Variants in PTPRD observed in about 807,000 individuals in gnomAD.
The protein encoded by PTPRD is receptor-type tyrosine-protein phosphatase delta.
A neutral mutation model predicts 214.5 loss-of-function variants in PTPRD; 34 were observed. The observed-to-expected ratio is 0.16, with a 90% CI of 0.12 to 0.21. The LOEUF is 0.21. Among genes scored for constraint, PTPRD ranks in the 10% least tolerant of loss-of-function variants. The pLI, the probability that PTPRD is intolerant of heterozygous loss-of-function variation, is 1.00. For synonymous variants in PTPRD, 1,128 were observed against 845.7 expected (o/e 1.33, Z -5.79); for missense variants, 2,545 against 2,398.7 (o/e 1.06, Z -1.27).
chr9:9,178,713 T>C (rs938306956), intron 10 of PTPRD, among the ~76,000 whole-genome samples: 4 of 152,126 alleles, frequency 2.6e-5, no homozygotes, highest in African/African-American at 9.6e-5. Flanking sequence ...CTACATTGAA[T>C]TGCTAGTAAA....
At chr9:10,355,542 G>A (rs369802515) in intron 2 of PTPRD, among the ~76,000 whole-genome samples, 6 of 149,210 alleles carry the variant, frequency 4.0e-5, no homozygotes, top group Admixed American at 2.7e-4. Flanking sequence ...GCAACGGCAC[G>A]ATCTCAGCTC....
At position 9,208,804 on chromosome 9, in the gene PTPRD, T is replaced by C. The variant is rs558796293; in HGVS notation, c.-202-25441A>G. Among the ~76,000 whole-genome samples, 87 of 151,796 alleles carry C rather than the reference T, an allele frequency of 5.7e-4. No homozygotes were observed. In the Middle Eastern group the frequency reaches 0.017, roughly 30 times the overall value. On this transcript the variant is annotated intron_variant, in intron 9 of 45. Transcript: ENST00000381196. ...AGAAGAAAGAAACCCAGAGACAATATAACTCTTTTTTTTTTTTCTTTGAGA... is the reference window on the plus strand; with the variant it reads ...AGAAGAAAGAAACCCAGAGACAATACAACTCTTTTTTTTTTTTCTTTGAGA...
At chr9:8,567,209 G>A (rs558190541) in intron 14 of PTPRD, among the ~76,000 whole-genome samples, 8 of 152,100 alleles carry the variant, frequency 5.3e-5, no homozygotes, top group East Asian at 1.9e-4. Flanking sequence ...TGAATTTGGC[G>A]GTACCTGCCT....
chr9:10,165,869 T>C (rs1053526025), intron 3 of PTPRD, among the ~76,000 whole-genome samples: 6 of 151,046 alleles, frequency 4.0e-5, no homozygotes, highest in Non-Finnish European at 8.9e-5. Context: ...GCATGAGTTC[T>C]GTAAAATTAA....
rs376142957 is a variant in PTPRD, at chr9:10,136,636, G to A, written c.-544-102846C>T. Among the ~76,000 whole-genome samples, 90 of 128,762 alleles carry A rather than the reference G, an allele frequency of 7.0e-4. 17 individuals carry two copies. Among genetic ancestry groups the A allele is most frequent in the East Asian group, 5.5e-3 (23 of 4,182 alleles). 84.5% of individuals were successfully genotyped at this position (128,762 alleles called of 152,430 possible). On this transcript the variant is annotated intron_variant, in intron 3 of 45. Transcript: ENST00000381196. ...AGGCATTACCATTCAGGACATAGGC[G>A]TGGGCAAGGACTTCATGTCCAAAAC...
chr9:8,525,721 A>C (rs1405516434), intron 17 of PTPRD, among the ~76,000 whole-genome samples: 1 of 152,202 alleles, frequency 6.6e-6, no homozygotes, highest in African/African-American at 2.4e-5. Flanking sequence ...CTGTGCCACA[A>C]GGAAGAGCCA....
At chr9:9,294,710 G>A (rs976809004) in intron 9 of PTPRD, among the ~76,000 whole-genome samples, 1 of 151,552 alleles carries the variant, frequency 6.6e-6, no homozygotes, top group Non-Finnish European at 1.5e-5. Flanking sequence ...CTGACACCCT[G>A]ATCTTAGACT....
At chr9:9,120,248 A>T (rs550208519) in intron 10 of PTPRD, among the ~76,000 whole-genome samples, 1 of 152,346 alleles carries the variant, frequency 6.6e-6, no homozygotes, top group Non-Finnish European at 1.5e-5. Context: ...GAAAGATGTC[A>T]TTTAAGTGCT....
At chr9:10,381,944 T>A (rs1311729229) in intron 2 of PTPRD, among the ~76,000 whole-genome samples, 2 of 151,966 alleles carry the variant, frequency 1.3e-5, no homozygotes, top group African/African-American at 4.8e-5. Context: ...TTAATTTATA[T>A]AAAATTATCT....
chr9:8,842,576 G>C (rs2097579888), intron 11 of PTPRD, among the ~76,000 whole-genome samples: 1 of 152,128 alleles, frequency 6.6e-6, no homozygotes, highest in African/African-American at 2.4e-5. Context: ...AGACTGTGGA[G>C]AGGTAGGGGG....
At chr9:8,950,153 T>G (rs1439659442) in intron 11 of PTPRD, among the ~76,000 whole-genome samples, 1 of 151,982 alleles carries the variant, frequency 6.6e-6, no homozygotes, top group Non-Finnish European at 1.5e-5. Flanking sequence ...AAATCTAAAT[T>G]TGTTAGTTTC....
At chr9:9,270,461 T>A (rs1026374987) in intron 9 of PTPRD, among the ~76,000 whole-genome samples, 1 of 151,080 alleles carries the variant, frequency 6.6e-6, no homozygotes, top group Non-Finnish European at 1.5e-5. Context: ...CAGCAAGAAG[T>A]GCATGTAACA....
intron 11 of PTPRD, among the ~76,000 whole-genome samples, chr9:8,880,108 G>A (rs560221918): frequency 4.7e-4 from 71 of 152,178 alleles, no homozygotes; most frequent in African/African-American, 1.7e-3. Flanking sequence ...GGGATTCCTG[G>A]GTGAAAAGTA....
At chr9:9,635,733 T>G (rs539256897) in intron 7 of PTPRD, among the ~76,000 whole-genome samples, 20 of 152,294 alleles carry the variant, frequency 1.3e-4, no homozygotes, top group Non-Finnish European at 2.8e-4. Flanking sequence ...AACCCAGAAG[T>G]CATTGTCAAC....
intron 8 of PTPRD, among the ~76,000 whole-genome samples, chr9:9,546,061 G>A (rs959794311): frequency 6.6e-6 from 1 of 151,544 alleles, no homozygotes; most frequent in African/African-American, 2.4e-5. Context: ...ACATGGTATT[G>A]TGTTTTTAAT....
chr9:9,520,599 T>C (rs569181606), intron 8 of PTPRD, among the ~76,000 whole-genome samples: 1 of 152,324 alleles, frequency 6.6e-6, no homozygotes, highest in South Asian at 2.1e-4. Context: ...AGGCGCAGAC[T>C]AATTTTGAAG....
At chr9:8,744,000 A>C (rs1236334213) in intron 11 of PTPRD, among the ~76,000 whole-genome samples, 1 of 152,052 alleles carries the variant, frequency 6.6e-6, no homozygotes, top group Non-Finnish European at 1.5e-5. Flanking sequence ...TTCTCAAAAA[A>C]GATATACAAA....
At chr9:8,849,838 A>T (rs1174611556) in intron 11 of PTPRD, among the ~76,000 whole-genome samples, 1 of 152,178 alleles carries the variant, frequency 6.6e-6, no homozygotes, top group Non-Finnish European at 1.5e-5. Context: ...GCACTTGATC[A>T]AGTAGACTTG....
At chr9:10,492,839 C>G (rs1387645390) in intron 2 of PTPRD, among the ~76,000 whole-genome samples, 2 of 151,970 alleles carry the variant, frequency 1.3e-5, no homozygotes. Context: ...GTTTTTATGG[C>G]TGTAGGTCTT....
Sources: gnomAD v4.1 joint callset for allele counts (sites outside exome capture counted in the v4.1 genomes callset) on GRCh38, gnomAD v4.1.1 for gene constraint, MANE v1.5 for transcripts, NCBI Gene and HGNC (gene_info 2026-07-23, HGNC 2026-07-21) for gene names.